Variants in TULP3 observed in about 807,000 individuals in gnomAD.
The protein encoded by TULP3 is TUB like protein 3.
In TULP3, 38 loss-of-function variants were observed where a neutral mutation model predicts 50.7. That is an observed-to-expected ratio of 0.75 (90% CI 0.58 to 0.98). The LOEUF is 0.98. Among genes scored for constraint, TULP3 ranks in the 50% least tolerant of loss-of-function variants. TULP3 has a pLI of 0.00. For missense variants in TULP3, 550 were observed against 568.0 expected, an observed-to-expected ratio of 0.97 and a Z score of 0.32; for synonymous variants, 183 against 196.6, an observed-to-expected ratio of 0.93 and a Z score of 0.58.
In TULP3 at chr12:2,927,366, A is replaced by ATTTTTTTTTTTTTTTTTTT. The variant is rs71057864; in HGVS notation, c.395-2864_395-2863insTTTTTTTTTTTTTTTTTTT. Reference sequence around the variant, plus strand: ...GGACCTATGTTTTCAGTTGAGACTGATTTTTTTTTTTTTTTTTTGAGACCA... The same window carrying ATTTTTTTTTTTTTTTTTTT: ...GGACCTATGTTTTCAGTTGAGACTGATTTTTTTTTTTTTTTTTTTTTTTTTTTTTTTTTTTTTGAGACCA... On this transcript the variant is annotated intron_variant, in intron 4 of 10. Transcript: ENST00000448120. Among the ~76,000 whole-genome samples, 8 of 105,186 alleles carry ATTTTTTTTTTTTTTTTTTT rather than the reference A, an allele frequency of 7.6e-5. 1 individual carries two copies. The highest frequency in any genetic ancestry group is 1.2e-4 in the African/African-American group (3 of 25,762). 69.0% of individuals were successfully genotyped at this position (105,186 alleles called of 152,430 possible).
intron 1 of TULP3, among the ~76,000 whole-genome samples, chr12:2,892,814 C>T (rs1367261257): frequency 1.3e-5 from 2 of 151,240 alleles, no homozygotes; most frequent in African/African-American, 2.4e-5. Flanking sequence ...CTGGCCCCCT[C>T]CTTGTTCTTC....
intron 2 of TULP3, among the ~76,000 whole-genome samples, chr12:2,917,392 A>G (rs2098189217): frequency 2.0e-5 from 3 of 151,892 alleles, no homozygotes; most frequent in Admixed American, 2.0e-4. Flanking sequence ...AAATTGCATG[A>G]ACCCGTGAGG....
intron 8 of TULP3, among the ~76,000 whole-genome samples, chr12:2,936,279 T>C (rs2098201222): frequency 1.3e-5 from 2 of 151,880 alleles, no homozygotes; most frequent in South Asian, 4.2e-4. Flanking sequence ...CAAAATAAAA[T>C]AAGAATAATC....
chr12:2,903,853 GGCTCA>G (rs2098180696), intron 1 of TULP3, among the ~76,000 whole-genome samples: 1 of 151,810 alleles, frequency 6.6e-6, no homozygotes, highest in African/African-American at 2.4e-5. Flanking sequence ...GCACGATCTC[GGCTCA>G]CTGCAACCTC....
chr12:2,938,371 A>G, intron 10 of TULP3, 86 bp downstream of exon 10: 1 of 1,402,856 alleles, frequency 7.1e-7, no homozygotes, highest in Non-Finnish European at 9.7e-7. Context: ...CATGATAGGA[A>G]GTGACAGTCA....
At chr12:2,898,845 A>G (rs571621758) in intron 1 of TULP3, among the ~76,000 whole-genome samples, 27 of 124,534 alleles carry the variant, frequency 2.2e-4, no homozygotes, top group African/African-American at 9.1e-4. Context: ...ACACCTGGCT[A>G]ATTTTTAAAT....
In TULP3 at chr12:2,922,154, GA is replaced by G. The variant is rs1174424508; in HGVS notation, c.254-107del. ...TTATGGATGTTAAGAAAGGAGGGCA[GA>G]TAAAATGATTTGGTAGTTCTTAATT... On this transcript the variant is annotated intron_variant, in intron 3 of 10. Transcript: ENST00000448120. The G allele has an allele frequency of 3.3e-5, 43 of 1,321,956 alleles. No homozygotes were observed. The Admixed American group carries it at 9.6e-4, about 29-fold the overall frequency. The allele number at this position is 1,321,956 out of a possible 1,614,324, so 81.9% of individuals were successfully genotyped here.
At chr12:2,922,215 A>G (rs1356245640) in intron 3 of TULP3, 47 bp from the exon 4 acceptor site, 3 of 1,595,524 alleles carry the variant, frequency 1.9e-6, no homozygotes, top group Middle Eastern at 3.4e-4. Context: ...CAACTAGTGA[A>G]TAATACTTTG....
chr12:2,927,231 C>T (rs146801308), intron 4 of TULP3, among the ~76,000 whole-genome samples: 201 of 152,276 alleles, frequency 1.3e-3, no homozygotes, highest in African/African-American at 4.7e-3. Flanking sequence ...TTGGATAACA[C>T]TCCATTGTAT....
At chr12:2,921,560 A>G (rs11062417) in intron 3 of TULP3, among the ~76,000 whole-genome samples, 73,534 of 151,946 alleles carry the variant, frequency 0.48, 18,321 homozygotes, top group African/African-American at 0.61. Flanking sequence ...GAGAGCGTCC[A>G]TTCTTCCAAC....
chr12:2,937,266 GAGTGCAACGGCGTGATCTCGGCTCA>G (rs1391892646), intron 8 of TULP3, among the ~76,000 whole-genome samples: 1 of 123,298 alleles, frequency 8.1e-6, no homozygotes, highest in Admixed American at 1.1e-4. Context: ...GCCCAGGCTG[GAGTGCAACGGCGTGATCTCGGCTCA>G]CTGCAGCCTC....
chr12:2,937,645 T>G lies in TULP3; in HGVS notation c.939T>G (p.Leu313=), dbSNP rs1400268946. The change falls in exon 9 of 11, where the codon CTT becomes CTG. Residue 313 remains leucine, a synonymous_variant. Transcript: ENST00000448120. ...LAAISYETNV[L]GFKGPRKMSV... ...CTATCTTCCAGGAAACAAACGTACT[T>G]GGATTTAAAGGTCCTAGGAAAATGT... 6.2e-7 allele frequency: 1 copy of G among 1,611,782 alleles called. No individual in the cohort carries two copies. Among genetic ancestry groups the G allele is most frequent in the African/African-American group, 1.3e-5 (1 of 74,886 alleles).
At chr12:2,936,548 C>T (rs567358912) in intron 8 of TULP3, among the ~76,000 whole-genome samples, 45 of 149,268 alleles carry the variant, frequency 3.0e-4, no homozygotes, top group African/African-American at 1.1e-3. Flanking sequence ...GTCGGGAATT[C>T]GAGACCAACA....
At chr12:2,925,879 A>G (rs534272963) in intron 4 of TULP3, among the ~76,000 whole-genome samples, 82 of 152,336 alleles carry the variant, frequency 5.4e-4, no homozygotes, top group Middle Eastern at 3.4e-3. Context: ...GCACTGCTCT[A>G]TGAAATGGCT....
At position 2,940,061 on chromosome 12, in the gene TULP3, A is replaced by T. The variant is rs1591540854; in HGVS notation, c.*617A>T. 7.8e-7 allele frequency: 1 copy of T among 1,289,234 alleles called. No individual in the cohort carries two copies. The highest frequency in any genetic ancestry group is 1.0e-6 in the Non-Finnish European group (1 of 988,760). The allele number at this position is 1,289,234 out of a possible 1,614,324, so 79.9% of individuals were successfully genotyped here. On this transcript the variant is annotated 3_prime_UTR_variant, in exon 11 of 11. Transcript: ENST00000448120. ...CCAATCTTAGTCAAGAGTGGCTGTG[A>T]TCACATTTGTGATCAATTATGTGAG...
Position 2,895,650 on chromosome 12 carries a change from T to C in TULP3, c.41+4662T>C, listed in dbSNP as rs1045797856. ...TTTCCACAATTATCTGAAATTGTTA[T>C]CAGTTTGAACATGATGAAATCTGAT... On this transcript the variant is annotated intron_variant, in intron 1 of 10. Transcript: ENST00000448120. Among the ~76,000 whole-genome samples the C allele has an allele frequency of 2.0e-5, 3 of 149,820 alleles. No individual in the cohort carries two copies. In the Admixed American group the frequency reaches 2.0e-4, roughly 10 times the overall value.
chr12:2,939,443 G>A lies in TULP3; in HGVS notation c.1328G>A (p.Ter443=). 8 of 1,614,096 alleles carry A rather than the reference G, an allele frequency of 5.0e-6. No individual in the cohort carries two copies. The highest frequency in any genetic ancestry group is 6.8e-6 in the Non-Finnish European group (8 of 1,180,000). ...SSFDSKLACE[*] is the part of the protein sequence containing the mutation. The stretch of plus-strand genomic sequence containing the variant: ...TTTGACAGTAAGCTGGCGTGTGAAT[G>A]AGAGAACAGTCAGGCAGGGAGCCCT... The change falls in exon 11 of 11, where the codon TGA becomes TAA. Residue 443 remains the stop codon, a stop_retained_variant. Transcript: ENST00000448120. This position sits in a 1 kb window ranked among gnomAD's most constrained non-coding sequence, Gnocchi z 4.0.
chr12:2,908,501 T>C (rs1034945), intron 1 of TULP3, among the ~76,000 whole-genome samples: 72,338 of 151,646 alleles, frequency 0.48, 17,692 homozygotes, highest in African/African-American at 0.6. Context: ...CGTGTGATCT[T>C]GCTCTTCTCC....
chr12:2,931,026 T>C lies in TULP3; in HGVS notation c.493-11T>C. On this transcript the variant is annotated splice_polypyrimidine_tract_variant and intron_variant, in intron 5 of 10. Coordinates refer to ENST00000448120, the MANE Select transcript of TULP3 (RefSeq NM_003324.5). The stretch of plus-strand genomic sequence containing the variant: ...CGGCCTGTTGTTGCTCATGTATGGC[T>C]GTCCTTTCAGGATACAGGCACTTCC... 1 of 1,614,078 alleles carries C rather than the reference T, an allele frequency of 6.2e-7. No homozygotes were observed. The highest frequency in any genetic ancestry group is 1.1e-5 in the South Asian group (1 of 91,074).
Sources: allele counts gnomAD v4.1 joint callset (sites outside exome capture counted in the v4.1 genomes callset), GRCh38; gene constraint gnomAD v4.1.1; non-coding constraint Gnocchi (gnomAD v3.1); transcripts MANE v1.5; gene names NCBI Gene and HGNC (gene_info 2026-07-23, HGNC 2026-07-21).